The following DENND2B variants were observed in gnomAD, a reference collection of about 807,000 sequenced individuals.
DENND2B encodes the protein DENN domain containing 2B.
A neutral mutation model predicts 116.0 loss-of-function variants in DENND2B; 32 were observed. The observed-to-expected ratio is 0.28, with a 90% CI of 0.21 to 0.37. DENND2B has a LOEUF of 0.37. DENND2B is among the 10% of genes least tolerant of loss of function. The probability of loss-of-function intolerance (pLI) is 1.00; values close to 1 mark genes in which losing one functional copy is unlikely to be tolerated. For synonymous variants in DENND2B, 588 were observed against 583.9 expected (o/e 1.01, Z -0.10); for missense variants, 1,276 against 1,477.7 (o/e 0.86, Z 2.24).
chr11:8,782,979 A>G (rs926434672), intron 1 of DENND2B, among the ~76,000 whole-genome samples: 4 of 151,878 alleles, frequency 2.6e-5, no homozygotes, highest in South Asian at 2.1e-4. Flanking sequence ...ACTTCTAGCA[A>G]TAACTATCCT....
At chr11:8,829,485 C>A (rs567148572) in intron 4 of DENND2B, among the ~76,000 whole-genome samples, 3 of 152,096 alleles carry the variant, frequency 2.0e-5, no homozygotes, top group Non-Finnish European at 4.4e-5. Context: ...TATTTTTGTG[C>A]ACTCCTATGA....
chr11:8,770,876 G>A (rs903931763), intron 1 of DENND2B, among the ~76,000 whole-genome samples: 2 of 152,058 alleles, frequency 1.3e-5, no homozygotes, highest in Non-Finnish European at 2.9e-5. Flanking sequence ...CTCCACGAAC[G>A]ACTCCATACT....
chr11:8,779,015 AC>A (rs1383077119), intron 1 of DENND2B, among the ~76,000 whole-genome samples: 5 of 152,228 alleles, frequency 3.3e-5, no homozygotes, highest in Admixed American at 6.5e-5. Flanking sequence ...ATTATTGATC[AC>A]CACTTTGTTT....
rs2041977448 is a variant in DENND2B at position 8,702,955 on chromosome 11, G to C, written c.2572-235C>G. The C allele has an allele frequency of 3.7e-6, 2 of 539,550 alleles. No individual in the cohort carries two copies. The highest frequency in any genetic ancestry group is 6.5e-6 in the Non-Finnish European group (2 of 307,252). 33.4% of individuals were successfully genotyped at this position (539,550 alleles called of 1,614,324 possible). ...AGGGCTGCCTGTGAAAGCGGGGAAG[G>C]CTCCAGAAGGAAGGAGTTGAGGGGC... On this transcript the variant is annotated intron_variant, in intron 13 of 19. Transcript: ENST00000313726. The surrounding 1 kb of genome is among the most constrained non-coding windows in gnomAD (Gnocchi z 4.6).
At chr11:8,869,434 G>A (rs1051637604) in intron 2 of DENND2B, among the ~76,000 whole-genome samples, 1 of 152,122 alleles carries the variant, frequency 6.6e-6, no homozygotes, top group Non-Finnish European at 1.5e-5. Context: ...AGGCCCAGGC[G>A]GGTGGATCAC....
At chr11:8,858,561 G>T (rs549547257) in intron 2 of DENND2B, among the ~76,000 whole-genome samples, 1 of 152,290 alleles carries the variant, frequency 6.6e-6, no homozygotes, top group African/African-American at 2.4e-5. Flanking sequence ...GAAGGCAGGA[G>T]CAGATGGGAG....
chr11:8,750,930 T>C (rs1195170010), intron 1 of DENND2B, among the ~76,000 whole-genome samples: 1 of 152,212 alleles, frequency 6.6e-6, no homozygotes, highest in Non-Finnish European at 1.5e-5. Flanking sequence ...GAGTGTGAGC[T>C]AATTTGATTG....
At chr11:8,741,609 C>G (rs966622457) in intron 2 of DENND2B, among the ~76,000 whole-genome samples, 2 of 152,188 alleles carry the variant, frequency 1.3e-5, no homozygotes, top group Non-Finnish European at 2.9e-5. Flanking sequence ...ATAACCCCTC[C>G]TCTTAAATCT....
chr11:8,766,932 G>A (rs2055920443), intron 1 of DENND2B, among the ~76,000 whole-genome samples: 1 of 152,222 alleles, frequency 6.6e-6, no homozygotes, highest in Non-Finnish European at 1.5e-5. Flanking sequence ...AAGGCTGTGT[G>A]TAGATTCGTC....
chr11:8,766,650 A>C (rs2055852145), intron 1 of DENND2B: 1 of 1,289,184 alleles, frequency 7.8e-7, no homozygotes, highest in Admixed American at 2.3e-5. Flanking sequence ...CTTTGTTCCC[A>C]CGGGGTTTCT....
At chr11:8,818,248 G>A (rs1019509801) in intron 4 of DENND2B, among the ~76,000 whole-genome samples, 1 of 146,242 alleles carries the variant, frequency 6.8e-6, no homozygotes. Flanking sequence ...GGGCAACACA[G>A]TGAGACTCTG....
At chr11:8,724,056 G>A (rs1190955614) in intron 4 of DENND2B, among the ~76,000 whole-genome samples, 2 of 152,216 alleles carry the variant, frequency 1.3e-5, no homozygotes, top group Non-Finnish European at 2.9e-5. Flanking sequence ...AGAACTTTGG[G>A]AGACCGAGGC....
At chr11:8,779,918 G>A (rs1256596049) in intron 1 of DENND2B, among the ~76,000 whole-genome samples, 1 of 152,158 alleles carries the variant, frequency 6.6e-6, no homozygotes, top group Non-Finnish European at 1.5e-5. Flanking sequence ...TGAAATTCCT[G>A]GTACTCAAGG....
intron 3 of DENND2B, among the ~76,000 whole-genome samples, chr11:8,849,280 G>C (rs1049327087): frequency 1.3e-5 from 2 of 151,718 alleles, no homozygotes; most frequent in Non-Finnish European, 2.9e-5. Context: ...ATAGCCTGAG[G>C]TAAGGAGTTC....
At chr11:8,698,137 C>CAAAAAAAAAAAAAAAAAAAA (rs33975736) in intron 16 of DENND2B, among the ~76,000 whole-genome samples, 1 of 39,808 alleles carries the variant, frequency 2.5e-5, no homozygotes, top group Non-Finnish European at 4.9e-5. Context: ...ACCCTGTCTC[C>CAAAAAAAAAAAAAAAAAAAA]AAAAAAAAAA....
At chr11:8,734,999 G>A (rs1021449643) in intron 2 of DENND2B, among the ~76,000 whole-genome samples, 11 of 150,564 alleles carry the variant, frequency 7.3e-5, no homozygotes, top group Non-Finnish European at 1.5e-4. Flanking sequence ...GAACGCTGTC[G>A]GGGCAGGGGG....
chr11:8,726,252 C>A, intron 3 of DENND2B, 43 bp from the exon 4 acceptor site: 1 of 1,567,288 alleles, frequency 6.4e-7, no homozygotes, highest in African/African-American at 1.4e-5. Flanking sequence ...TGAATCAGAT[C>A]TCTGCTGCCT....
intron 2 of DENND2B, among the ~76,000 whole-genome samples, chr11:8,863,655 T>A (rs967139076): frequency 6.6e-6 from 1 of 152,164 alleles, no homozygotes; most frequent in Non-Finnish European, 1.5e-5. Flanking sequence ...CAACTGATAT[T>A]GCTGATTAAC....
At chr11:8,872,994 C>T (rs1174238288), upstream of DENND2B, among the ~76,000 whole-genome samples, 3 of 152,204 alleles carry the variant, frequency 2.0e-5, no homozygotes, top group African/African-American at 7.2e-5. Flanking sequence ...TTTCCAATCT[C>T]TCCAATCTCA....
Sources: allele counts gnomAD v4.1 joint callset (sites outside exome capture counted in the v4.1 genomes callset), GRCh38; gene constraint gnomAD v4.1.1; non-coding constraint Gnocchi (gnomAD v3.1); transcripts MANE v1.5; gene names NCBI Gene and HGNC (gene_info 2026-07-23, HGNC 2026-07-21).